TRPM6: variants seen among roughly 807,000 people sequenced by gnomAD.
TRPM6 encodes the protein transient receptor potential cation channel subfamily M member 6.
Under a neutral mutation model 247.6 loss-of-function variants are expected in TRPM6, and 111 were observed. That is an observed-to-expected ratio of 0.45 (90% confidence interval 0.38 to 0.52). The LOEUF is 0.52. TRPM6 is among the 20% of genes least tolerant of loss of function. The pLI, the probability that TRPM6 is intolerant of heterozygous loss-of-function variation, is 0.00. For synonymous variants in TRPM6, 892 were observed against 853.8 expected, an observed-to-expected ratio of 1.04 and a Z score of -0.78; for missense variants, 2,126 against 2,421.5, an observed-to-expected ratio of 0.88 and a Z score of 2.56.
chr9:74,834,296 C>T (rs1411376132), intron 5 of TRPM6, among the ~76,000 whole-genome samples, 174 bp from the exon 6 acceptor site: 5 of 152,096 alleles, frequency 3.3e-5, no homozygotes, highest in African/African-American at 1.2e-4. Context: ...TCTTTCTAGA[C>T]ACATCTTCCT....
At chr9:74,743,140 T>C (rs1352192766) in intron 32 of TRPM6, among the ~76,000 whole-genome samples, 1 of 152,202 alleles carries the variant, frequency 6.6e-6, no homozygotes, top group East Asian at 1.9e-4. Context: ...TGAGTTACAG[T>C]ATTCCTCACT....
Position 74,763,068 on chromosome 9 carries a change from T to C in TRPM6, c.3603A>G (p.Leu1201=). 1 of 1,614,014 alleles carries C rather than the reference T, an allele frequency of 6.2e-7. No homozygotes were observed. Among genetic ancestry groups the C allele is most frequent in the Non-Finnish European group, 8.5e-7 (1 of 1,179,924 alleles). ...GTCCCACCTGGCTGTCCAAAGACAG[T>C]AAGGAGTCCTTTATAAAAGACACCT... is the stretch of plus-strand genomic sequence containing the variant. ...NEKVSFIKDS[L]LSLDSQVGHL... is the part of the protein sequence containing the mutation. Residue 1201 remains leucine (L), a synonymous_variant, in exon 26 of 39, where the codon TTA becomes TTG. Transcript: ENST00000360774.
At chr9:74,765,235 T>A (rs549939240) in intron 25 of TRPM6, among the ~76,000 whole-genome samples, 4 of 152,202 alleles carry the variant, frequency 2.6e-5, no homozygotes, top group African/African-American at 9.6e-5. Context: ...GTCTATTATG[T>A]TCGGCATTAT....
intron 14 of TRPM6, chr9:74,804,786 C>A: frequency 1.4e-6 from 1 of 691,384 alleles, no homozygotes; most frequent in South Asian, 1.5e-5. Context: ...TGCCCTTGCA[C>A]GGGCTCGTAA....
intron 2 of TRPM6, 50 bp from the exon 3 acceptor site, chr9:74,855,615 T>TAATAG: frequency 8.6e-7 from 1 of 1,164,898 alleles, no homozygotes; most frequent in Non-Finnish European, 1.3e-6. Context: ...TATCTGAAAA[T>TAATAG]ACATTTAATG....
At chr9:74,737,431 A>G in intron 36 of TRPM6, 1 of 1,289,882 alleles carries the variant, frequency 7.8e-7, no homozygotes, top group African/African-American at 1.5e-5. Flanking sequence ...CTTTCAGCAT[A>G]GAATCCCAGA....
At chr9:74,884,589 T>G (rs972494430) in intron 1 of TRPM6, among the ~76,000 whole-genome samples, 1 of 152,220 alleles carries the variant, frequency 6.6e-6, no homozygotes, top group African/African-American at 2.4e-5. Flanking sequence ...ATCAACAGTT[T>G]GATTACCTCT....
intron 23 of TRPM6, among the ~76,000 whole-genome samples, chr9:74,777,944 G>A (rs1245971280): frequency 6.6e-6 from 1 of 152,144 alleles, no homozygotes; most frequent in Admixed American, 6.5e-5. Context: ...AAAAATGAAA[G>A]GTCACTCTTT....
At chr9:74,757,455 A>C (rs1401925103) in intron 27 of TRPM6, among the ~76,000 whole-genome samples, 1 of 151,460 alleles carries the variant, frequency 6.6e-6, no homozygotes, top group Non-Finnish European at 1.5e-5. Context: ...AATCCTAGCT[A>C]CTCAGGAGCC....
intron 7 of TRPM6, among the ~76,000 whole-genome samples, chr9:74,826,461 G>T (rs1829331553): frequency 6.6e-6 from 1 of 152,190 alleles, no homozygotes; most frequent in Admixed American, 6.5e-5. Flanking sequence ...TCCCAAGGAA[G>T]TATTTTGTGG....
At position 74,869,510 on chromosome 9, in the gene TRPM6, C is replaced by A. The variant is rs564571287; in HGVS notation, c.34-10762G>T. ...GGACGATATAAAGCAAAAGCCAACACTAAAGTAGTCTGTCGTATCTGCCAA... is the reference window on the plus strand; with the variant it reads ...GGACGATATAAAGCAAAAGCCAACAATAAAGTAGTCTGTCGTATCTGCCAA... On this transcript the variant is annotated intron_variant, in intron 1 of 38. Coordinates refer to ENST00000360774, the MANE Select transcript of TRPM6 (RefSeq NM_017662.5). 3.3e-5 allele frequency among the ~76,000 whole-genome samples: 5 copies of A among 150,432 alleles called. No individual in the cohort carries two copies. In the East Asian group the frequency reaches 9.8e-4, roughly 30 times the overall value.
intron 1 of TRPM6, among the ~76,000 whole-genome samples, chr9:74,877,691 C>T (rs945835236): frequency 1.3e-5 from 2 of 152,162 alleles, no homozygotes; most frequent in Non-Finnish European, 2.9e-5. Context: ...ATATTGGGGT[C>T]ACCACACATT....
At chr9:74,870,377 T>A (rs1830982817) in intron 1 of TRPM6, among the ~76,000 whole-genome samples, 1 of 152,022 alleles carries the variant, frequency 6.6e-6, no homozygotes, top group Admixed American at 6.6e-5. Flanking sequence ...GAATAGGAGT[T>A]TGGGATAAAG....
chr9:74,818,493 G>A (rs971972946), intron 9 of TRPM6, among the ~76,000 whole-genome samples: 2 of 151,860 alleles, frequency 1.3e-5, no homozygotes, highest in African/African-American at 4.8e-5. Context: ...GGTAGAGACA[G>A]GGTTTCACCA....
chr9:74,865,136 G>A (rs1400601578), intron 1 of TRPM6, among the ~76,000 whole-genome samples: 2 of 151,816 alleles, frequency 1.3e-5, no homozygotes, highest in East Asian at 3.9e-4. Context: ...CAAGAGTTAA[G>A]GAGTAAAACA....
chr9:74,849,875 T>C (rs1221688429), intron 3 of TRPM6, among the ~76,000 whole-genome samples: 2 of 152,198 alleles, frequency 1.3e-5, no homozygotes, highest in Non-Finnish European at 2.9e-5. Flanking sequence ...GACAAGGTGG[T>C]CTCTAATGCC....
intron 11 of TRPM6, among the ~76,000 whole-genome samples, chr9:74,814,186 A>G (rs1417899342): frequency 1.3e-5 from 2 of 152,186 alleles, no homozygotes; most frequent in Non-Finnish European, 2.9e-5. Context: ...ACAAATTAAT[A>G]GACTGCCAGG....
At chr9:74,758,442 C>T (rs933771085) in intron 27 of TRPM6, among the ~76,000 whole-genome samples, 5 of 152,076 alleles carry the variant, frequency 3.3e-5, no homozygotes, top group Admixed American at 1.3e-4. Flanking sequence ...TGGGGTTTAT[C>T]CCAGTAAGGT....
intron 11 of TRPM6, among the ~76,000 whole-genome samples, chr9:74,813,790 A>C (rs1346337097): frequency 2.0e-5 from 3 of 152,234 alleles, no homozygotes; most frequent in Non-Finnish European, 2.9e-5. Context: ...ATCCTCAAAA[A>C]GGTAAAAGAA....
Sources: gnomAD v4.1 joint callset for allele counts (sites outside exome capture counted in the v4.1 genomes callset) on GRCh38, gnomAD v4.1.1 for gene constraint, MANE v1.5 for transcripts, NCBI Gene and HGNC (gene_info 2026-07-23, HGNC 2026-07-21) for gene names.